The following NCAM2 variants were observed in gnomAD, a reference collection of about 807,000 sequenced individuals.
NCAM2 encodes N-CAM-2.
NCAM2 carries 30 observed loss-of-function variants against 98.1 expected under a neutral mutation model. The observed-to-expected ratio is 0.31, with a 90% CI of 0.23 to 0.41. The LOEUF is 0.41. Ranked by LOEUF, NCAM2 falls within the 10% of genes least tolerant of loss-of-function variation. The pLI, the probability that NCAM2 is intolerant of heterozygous loss-of-function variation, is 1.00. For missense variants in NCAM2, 867 were observed against 1,005.8 expected (o/e 0.86, Z 1.87); for synonymous variants, 368 against 342.4 (o/e 1.07, Z -0.83).
At chr21:21,320,059 G>A (rs2074334525) in intron 5 of NCAM2, among the ~76,000 whole-genome samples, 1 of 152,112 alleles carries the variant, frequency 6.6e-6, no homozygotes, top group African/African-American at 2.4e-5. Flanking sequence ...TTACTGTGTT[G>A]TTCAGATAGG....
At chr21:21,030,086 A>C (rs6518035) in intron 1 of NCAM2, among the ~76,000 whole-genome samples, 127,921 of 152,154 alleles carry the variant, frequency 0.84, 55,078 homozygotes, top group South Asian at 0.93. Context: ...GCTGGGGGTG[A>C]AAGACAGCAA....
At chr21:21,205,733 C>G (rs1313318031) in intron 1 of NCAM2, among the ~76,000 whole-genome samples, 1 of 152,012 alleles carries the variant, frequency 6.6e-6, no homozygotes, top group African/African-American at 2.4e-5. Context: ...CTGAGGTAGC[C>G]TATAAGCAGC....
At chr21:21,495,422 C>A (rs941105344) in intron 15 of NCAM2, among the ~76,000 whole-genome samples, 3 of 151,912 alleles carry the variant, frequency 2.0e-5, no homozygotes, top group Non-Finnish European at 4.4e-5. Flanking sequence ...GAAGACTGGA[C>A]AGACATTTAA....
intron 9 of NCAM2, among the ~76,000 whole-genome samples, chr21:21,390,854 T>TG (rs1203504731): frequency 1.3e-5 from 2 of 152,190 alleles, no homozygotes; most frequent in African/African-American, 2.4e-5. Flanking sequence ...AAAAGAGTAA[T>TG]GTGCCTAGTT....
chr21:21,190,176 G>C (rs944992280), intron 1 of NCAM2, among the ~76,000 whole-genome samples: 1 of 152,194 alleles, frequency 6.6e-6, no homozygotes, highest in African/African-American at 2.4e-5. Flanking sequence ...AGGCAGAAGT[G>C]GGGGAGAAAC....
chr21:21,223,844 A>T (rs924680443), intron 1 of NCAM2: 1 of 152,210 alleles, frequency 6.6e-6, no homozygotes, highest in South Asian at 2.1e-4. Flanking sequence ...AGATAAAATG[A>T]CATGCCTAAG....
intron 1 of NCAM2, among the ~76,000 whole-genome samples, chr21:21,249,409 ACCCACCTGC>A (rs2071397727): frequency 6.6e-6 from 1 of 152,174 alleles, no homozygotes. Context: ...CTGAAACAAT[ACCCACCTGC>A]CCCACCTTGC....
chr21:21,295,606 CTT>C (rs760955966), intron 5 of NCAM2, among the ~76,000 whole-genome samples: 3 of 151,718 alleles, frequency 2.0e-5, no homozygotes, highest in South Asian at 4.1e-4. Flanking sequence ...CTCTTTTTCT[CTT>C]GTTTTTTTCC....
chr21:21,446,884 T>TG (rs1171470075), intron 12 of NCAM2, among the ~76,000 whole-genome samples: 1 of 151,768 alleles, frequency 6.6e-6, no homozygotes, highest in Non-Finnish European at 1.5e-5. Context: ...TACAAACCAC[T>TG]CTCAAGGAAA....
chr21:21,337,904 ACTT>A (rs1414717775), intron 7 of NCAM2, among the ~76,000 whole-genome samples: 1 of 152,080 alleles, frequency 6.6e-6, no homozygotes, highest in Non-Finnish European at 1.5e-5. Context: ...TATATCATTT[ACTT>A]CTTTGGTGAA....
intron 9 of NCAM2, among the ~76,000 whole-genome samples, chr21:21,388,565 C>T (rs2076316784): frequency 6.6e-6 from 1 of 152,162 alleles, no homozygotes; most frequent in Admixed American, 6.5e-5. Flanking sequence ...GATGTGCTGT[C>T]CAGTCCGGCA....
chr21:21,072,573 T>C (rs2065594950), intron 1 of NCAM2, among the ~76,000 whole-genome samples: 1 of 152,190 alleles, frequency 6.6e-6, no homozygotes, highest in Non-Finnish European at 1.5e-5. Flanking sequence ...TTAGACTTTT[T>C]GCTGGTAGGG....
rs989349883 is a variant in NCAM2 at position 21,068,142 on chromosome 21, T to A, written c.55+69524T>A. On this transcript the variant is annotated intron_variant, in intron 1 of 17. Transcript: ENST00000400546. Reference sequence around the variant, plus strand: ...AAATAATGACTTTTTTTTCTTTTTTTTTTTTTTTTTTTGAGACGGAGTCTT... The same window carrying A: ...AAATAATGACTTTTTTTTCTTTTTTATTTTTTTTTTTTGAGACGGAGTCTT... 1.5e-4 allele frequency among the ~76,000 whole-genome samples: 21 copies of A among 144,798 alleles called. 1 individual carries two copies. In the East Asian group the frequency reaches 1.6e-3, roughly 11 times the overall value. The allele number at this position is 144,798 out of a possible 152,430, so 95.0% of individuals were successfully genotyped here. A position where few individuals can be genotyped will look rare whatever the true frequency, so the allele number is the denominator to read the frequency against.
chr21:21,144,742 CTTCT>C (rs2067238205), intron 1 of NCAM2, among the ~76,000 whole-genome samples: 1 of 152,118 alleles, frequency 6.6e-6, no homozygotes, highest in Non-Finnish European at 1.5e-5. Flanking sequence ...TCATTTATTT[CTTCT>C]TTCTTCCACT....
chr21:21,203,763 T>C (rs1186677006), intron 1 of NCAM2, among the ~76,000 whole-genome samples: 1 of 152,190 alleles, frequency 6.6e-6, no homozygotes, highest in Non-Finnish European at 1.5e-5. Flanking sequence ...CTGAAGATTT[T>C]TTCCTGATTA....
In NCAM2 at chr21:21,174,382, C is replaced by T. The variant is rs575475584; in HGVS notation, c.56-106196C>T. Among the ~76,000 whole-genome samples the T allele has an allele frequency of 2.6e-5, 4 of 152,242 alleles. No homozygotes were observed. The South Asian group carries it at 8.3e-4, about 32-fold the overall frequency. On this transcript the variant is annotated intron_variant, in intron 1 of 17. Transcript: ENST00000400546. ...TTCTTTGAACAGTATAAGTGTCTTT[C>T]ACGCAATATTTGGAACATATTTCTA...
intron 1 of NCAM2, among the ~76,000 whole-genome samples, chr21:21,104,094 A>G (rs543771746): frequency 9.5e-4 from 144 of 152,238 alleles, no homozygotes; most frequent in Middle Eastern, 6.8e-3. Flanking sequence ...GGAGACATTA[A>G]TTAACTTTTT....
intron 1 of NCAM2, among the ~76,000 whole-genome samples, chr21:21,143,716 T>C (rs1780654866): frequency 6.6e-6 from 1 of 151,958 alleles, no homozygotes; most frequent in African/African-American, 2.4e-5. Context: ...GGTTTTTCCA[T>C]CTCTTCATGC....
intron 1 of NCAM2, among the ~76,000 whole-genome samples, chr21:21,009,904 TG>T (rs2064177545): frequency 6.6e-6 from 1 of 151,546 alleles, no homozygotes; most frequent in Non-Finnish European, 1.5e-5. Flanking sequence ...TGTGTGTGTG[TG>T]TGTGTGTGTG....
Sources: allele counts gnomAD v4.1 joint callset (sites outside exome capture counted in the v4.1 genomes callset), GRCh38; gene constraint gnomAD v4.1.1; transcripts MANE v1.5; gene names NCBI Gene and HGNC (gene_info 2026-07-23, HGNC 2026-07-21).